The following SUMF1 variants were observed in gnomAD, a reference collection of about 807,000 sequenced individuals.
SUMF1 encodes the protein formylglycine-generating enzyme.
In SUMF1, 48 loss-of-function variants were observed where a neutral mutation model predicts 47.6. That is an observed-to-expected ratio of 1.01 (90% CI 0.80 to 1.28). The LOEUF (loss-of-function observed/expected upper bound fraction) is 1.28, where lower values mean the gene tolerates loss of function less well. SUMF1 is among the 50% of genes most tolerant of loss of function. The pLI, the probability that SUMF1 is intolerant of heterozygous loss-of-function variation, is 0.00. For synonymous variants in SUMF1, 230 were observed against 192.1 expected (o/e 1.20, Z -1.63); for missense variants, 571 against 485.4 (o/e 1.18, Z -1.66).
intron 8 of SUMF1, among the ~76,000 whole-genome samples, chr3:4,139,650 C>A (rs770950785): frequency 1.6e-4 from 25 of 151,516 alleles, no homozygotes; most frequent in Admixed American, 7.2e-4. Context: ...CAGGGCACGA[C>A]TGATTTTAGT....
chr3:4,276,640 T>A (rs2125042091), intron 8 of SUMF1, among the ~76,000 whole-genome samples: 1 of 152,316 alleles, frequency 6.6e-6, no homozygotes. Context: ...TATAATTGAT[T>A]CCAGGAATCA....
In SUMF1 at chr3:4,293,773, C is replaced by A. The variant is rs1333489251; in HGVS notation, c.1014+82557G>T. 5.3e-5 allele frequency among the ~76,000 whole-genome samples: 8 copies of A among 152,324 alleles called. 1 individual carries two copies. The South Asian group carries it at 1.7e-3, about 32-fold the overall frequency. On this transcript the variant is annotated intron_variant and NMD_transcript_variant, in intron 8 of 12. Transcript: ENST00000448413. ...ATTATATTTTCAAAGCCCAAGAGCA[C>A]AACCCTTAGTAAAAACATCTCTCAA...
intron 7 of SUMF1, among the ~76,000 whole-genome samples, chr3:4,390,535 G>C (rs908865927): frequency 3.9e-5 from 6 of 152,146 alleles, no homozygotes; most frequent in African/African-American, 1.2e-4. Context: ...ACACCTGTTA[G>C]CATTTCTGGG....
chr3:4,313,178 C>A lies in SUMF1; in HGVS notation c.1014+63152G>T, dbSNP rs746079872. On this transcript the variant is annotated intron_variant and NMD_transcript_variant, in intron 8 of 12. Transcript: ENST00000448413. ...CAGTTCCACTTCCAAGTGTTCAAGA[C>A]GCATAAAAAAGGCTGGGGACTTCGT... 16 of 1,613,802 alleles carry A rather than the reference C, an allele frequency of 9.9e-6. No individual in the cohort carries two copies. The East Asian group carries it at 2.0e-4, about 20-fold the overall frequency.
At chr3:4,162,812 C>A (rs1215631335) in intron 8 of SUMF1, among the ~76,000 whole-genome samples, 1 of 151,618 alleles carries the variant, frequency 6.6e-6, no homozygotes, top group Admixed American at 6.6e-5. Context: ...TATGAAGGTG[C>A]TTTTTTGTGT....
intron 8 of SUMF1, among the ~76,000 whole-genome samples, chr3:4,142,234 GA>G (rs145048093): frequency 7.3e-5 from 11 of 150,574 alleles, no homozygotes; most frequent in South Asian, 2.1e-4. Flanking sequence ...CACTGTTAAA[GA>G]AAAAAAAATG....
At chr3:4,264,007 A>AT in intron 8 of SUMF1, among the ~76,000 whole-genome samples, 1 of 152,324 alleles carries the variant, frequency 6.6e-6, no homozygotes, top group East Asian at 1.9e-4. Flanking sequence ...TATTACGCAC[A>AT]TAACATTTTC....
intron 8 of SUMF1, among the ~76,000 whole-genome samples, chr3:4,235,298 A>C (rs73133364): frequency 6.6e-6 from 1 of 152,128 alleles, no homozygotes; most frequent in African/African-American, 2.4e-5. Flanking sequence ...GGTGCCATCC[A>C]TTGTCATGTG....
rs533929519 is a variant in SUMF1 at position 4,441,379 on chromosome 3, T to C, written c.519+7887A>G. On this transcript the variant is annotated intron_variant, in intron 3 of 8. Transcript: ENST00000272902. ...ACTGATTCTACATTATGGTGAGTTG[T>C]ATCATTATTTCATTATATATTGCAA... Among the ~76,000 whole-genome samples the C allele has an allele frequency of 8.0e-4, 122 of 152,250 alleles. 1 individual carries two copies. The highest frequency in any genetic ancestry group is 1.4e-3 in the Non-Finnish European group (93 of 68,044).
At chr3:4,176,373 G>A (rs1223588411) in intron 8 of SUMF1, among the ~76,000 whole-genome samples, 2 of 152,108 alleles carry the variant, frequency 1.3e-5, no homozygotes, top group African/African-American at 4.8e-5. Context: ...AAGAGAGTGG[G>A]GGCCAATATT....
chr3:4,329,001 G>T (rs1698998703), intron 8 of SUMF1, among the ~76,000 whole-genome samples: 1 of 152,208 alleles, frequency 6.6e-6, no homozygotes, highest in African/African-American at 2.4e-5. Flanking sequence ...AAATCTTAAA[G>T]CTCCAAAATG....
intron 8 of SUMF1, among the ~76,000 whole-genome samples, chr3:4,369,550 G>T (rs574069937): frequency 6.6e-6 from 1 of 152,174 alleles, no homozygotes; most frequent in African/African-American, 2.4e-5. Context: ...TCAGGTTCAG[G>T]GGGAGCTACA....
intron 3 of SUMF1, among the ~76,000 whole-genome samples, chr3:4,446,307 G>T (rs751633916): frequency 6.6e-5 from 10 of 152,150 alleles, no homozygotes; most frequent in Non-Finnish European, 1.0e-4. Flanking sequence ...AGTCTCACGA[G>T]ATCTGATGGT....
chr3:4,417,905 C>T lies in SUMF1; in HGVS notation c.725+105G>A, dbSNP rs559797456. On this transcript the variant is annotated intron_variant, in intron 5 of 8. Coordinates refer to ENST00000272902, the MANE Select transcript of SUMF1 (RefSeq NM_182760.4). Reference sequence around the variant, plus strand: ...GAAAAATAAGAAAAAGAATTATTGTCGTTATTAACTTTCTAACCAAAGTAA... The same window carrying T: ...GAAAAATAAGAAAAAGAATTATTGTTGTTATTAACTTTCTAACCAAAGTAA... 2.0e-4 allele frequency: 306 copies of T among 1,568,202 alleles called. No individual in the cohort carries two copies. In the African/African-American group the frequency reaches 2.4e-3, roughly 12 times the overall value.
intron 8 of SUMF1, among the ~76,000 whole-genome samples, chr3:4,270,752 G>A (rs1697286768): frequency 1.3e-5 from 2 of 152,020 alleles, no homozygotes; most frequent in African/African-American, 2.4e-5. Context: ...TCCTGGCTTT[G>A]CCAAGCAAAA....
At chr3:4,414,685 C>T (rs1331113818) in intron 6 of SUMF1, 1 of 152,236 alleles carries the variant, frequency 6.6e-6, no homozygotes, top group Admixed American at 6.5e-5. Context: ...ATTTCCCACA[C>T]ATATGCTGAA....
intron 8 of SUMF1, among the ~76,000 whole-genome samples, chr3:4,168,441 T>G (rs1431388839): frequency 6.6e-6 from 1 of 152,340 alleles, no homozygotes; most frequent in East Asian, 1.9e-4. Flanking sequence ...GCTCCAGCTC[T>G]GCTCAGAAGC....
In SUMF1 at chr3:4,313,857, A is replaced by G. The variant is rs574589702; in HGVS notation, c.1014+62473T>C. 1.2e-4 allele frequency: 180 copies of G among 1,564,584 alleles called. No homozygotes were observed. The African/African-American group carries it at 2.3e-3, about 20-fold the overall frequency. Reference sequence around the variant, plus strand: ...CTGCCTAGTTACATAAGTTTAACTCAGGAATGTGGCAGAGACTGCAAGTTG... The same window carrying G: ...CTGCCTAGTTACATAAGTTTAACTCGGGAATGTGGCAGAGACTGCAAGTTG... On this transcript the variant is annotated intron_variant and NMD_transcript_variant, in intron 8 of 12. Coordinates refer to the SUMF1 transcript ENST00000448413.
chr3:4,103,589 C>T (rs1278062940), intron 8 of SUMF1, among the ~76,000 whole-genome samples: 1 of 152,022 alleles, frequency 6.6e-6, no homozygotes, highest in Non-Finnish European at 1.5e-5. Flanking sequence ...GTGGTTTCTG[C>T]TTTGAATAGC....
Sources: gnomAD v4.1 joint callset for allele counts (sites outside exome capture counted in the v4.1 genomes callset) on GRCh38, gnomAD v4.1.1 for gene constraint, MANE v1.5 for transcripts, NCBI Gene and HGNC (gene_info 2026-07-23, HGNC 2026-07-21) for gene names.